Variants in CLCN5 observed in about 807,000 individuals in gnomAD.
CLCN5 encodes H(+)/Cl(-) exchange transporter 5.
CLCN5 carries 17 observed loss-of-function variants against 54.0 expected under a neutral mutation model. The ratio of observed to expected loss-of-function variants is 0.31; its 90% CI spans 0.22 to 0.47. The LOEUF is 0.47. Among genes scored for constraint, CLCN5 ranks in the 20% least tolerant of loss-of-function variants. The pLI is 1.00. For synonymous variants in CLCN5, 222 were observed against 233.0 expected (o/e 0.95, Z 0.43); for missense variants, 448 against 646.7 (o/e 0.69, Z 3.33).
chrX:49,966,163 A>G (rs782355030), intron 3 of CLCN5, among the ~76,000 whole-genome samples: 9 of 111,101 alleles, frequency 8.1e-5, no homozygotes, highest in Non-Finnish European at 1.3e-4. Context: ...TCTTCCTTCA[A>G]TGTTTGGTAG....
At chrX:50,062,648 C>T (rs1162314959) in intron 4 of CLCN5, among the ~76,000 whole-genome samples, 3 of 94,825 alleles carry the variant, frequency 3.2e-5, no homozygotes, top group Non-Finnish European at 5.9e-5. Flanking sequence ...CAGCTCTGCA[C>T]CAAGCGGACC....
At chrX:50,069,732 A>G in intron 4 of CLCN5, 147 bp from the exon 5 acceptor site, 1 of 1,062,241 alleles carries the variant, frequency 9.4e-7, no homozygotes, top group Non-Finnish European at 1.2e-6. Context: ...AATGTAATGG[A>G]TGTTCCTACC....
chrX:49,979,354 A>G (rs781975594), intron 3 of CLCN5, among the ~76,000 whole-genome samples: 23 of 111,898 alleles, frequency 2.1e-4, no homozygotes, highest in Non-Finnish European at 4.1e-4. Context: ...CTTCACAAAT[A>G]CACCAGAGTT....
At chrX:50,039,885 G>C (rs782521365) in intron 3 of CLCN5, among the ~76,000 whole-genome samples, 2 of 110,872 alleles carry the variant, frequency 1.8e-5, no homozygotes, top group African/African-American at 6.6e-5. Flanking sequence ...TAGAGGCGAG[G>C]TTTCACCATG....
intron 3 of CLCN5, among the ~76,000 whole-genome samples, chrX:49,955,179 G>A (rs1385673982): frequency 2.7e-5 from 3 of 111,494 alleles, no homozygotes; most frequent in African/African-American, 9.8e-5. Flanking sequence ...CCAACTAGCT[G>A]CATTTTCTAG....
chrX:50,064,605 A>C (rs1361160126), intron 4 of CLCN5, among the ~76,000 whole-genome samples: 6 of 99,983 alleles, frequency 6.0e-5, no homozygotes, highest in African/African-American at 1.9e-4. Context: ...TTACAGATTC[A>C]ATGCCATCCC....
In CLCN5 at chrX:50,042,362, C is replaced by T; in HGVS notation, c.63C>T (p.Phe21=). The T allele has an allele frequency of 8.5e-7, 1 of 1,177,537 alleles. No homozygotes were observed. The highest frequency in any genetic ancestry group is 1.1e-6 in the Non-Finnish European group (1 of 877,118). The part of the protein sequence containing the change: ...RGFQQGSFSS[F]QNSSSDEDLM... ...TTCAGCAGGGGAGTTTTAGTAGCTTCCAGAACAGCTCCAGTGATGAAGACC... is the reference window on the plus strand; with the variant it reads ...TTCAGCAGGGGAGTTTTAGTAGCTTTCAGAACAGCTCCAGTGATGAAGACC... Residue 21 remains phenylalanine, a synonymous_variant, in exon 4 of 15, where the codon TTC becomes TTT. Coordinates refer to ENST00000376091, the MANE Select transcript of CLCN5 (RefSeq NM_001127898.4).
intron 3 of CLCN5, among the ~76,000 whole-genome samples, chrX:50,017,499 C>T (rs781815841): frequency 8.0e-5 from 9 of 111,874 alleles, no homozygotes; most frequent in African/African-American, 2.6e-4. Context: ...TCCAGTCTAT[C>T]AATTTTTTCT....
intron 4 of CLCN5, among the ~76,000 whole-genome samples, chrX:50,055,407 A>T (rs1557188818): frequency 8.9e-6 from 1 of 111,825 alleles, no homozygotes; most frequent in East Asian, 2.8e-4. Flanking sequence ...ATTGGAATCC[A>T]CATCTTCTCA....
At chrX:50,088,960 C>G in intron 12 of CLCN5, 76 bp downstream of exon 12, 4 of 978,314 alleles carry the variant, frequency 4.1e-6, no homozygotes, top group Non-Finnish European at 5.8e-6. Flanking sequence ...ACACAGTTGA[C>G]TGTAGGAGAA....
At chrX:49,953,011 G>A (rs1166232873) in intron 3 of CLCN5, among the ~76,000 whole-genome samples, 5 of 108,798 alleles carry the variant, frequency 4.6e-5, no homozygotes, top group African/African-American at 1.7e-4. Context: ...TCAGCCTCCC[G>A]AGTAGCTGGG....
intron 7 of CLCN5, among the ~76,000 whole-genome samples, chrX:50,076,557 C>G (rs2147560813): frequency 9.0e-6 from 1 of 111,233 alleles, no homozygotes; most frequent in African/African-American, 3.3e-5. Flanking sequence ...GGGTCTTTCT[C>G]TGTCACCCAG....
At chrX:50,080,767 G>T in intron 8 of CLCN5, 51 bp downstream of exon 8, 1 of 1,046,534 alleles carries the variant, frequency 9.6e-7, no homozygotes, top group Non-Finnish European at 1.3e-6. Flanking sequence ...ATACTTTTTG[G>T]TTAAAATCTC....
At chrX:50,036,046 G>A (rs1557186492) in intron 3 of CLCN5, among the ~76,000 whole-genome samples, 2 of 111,906 alleles carry the variant, frequency 1.8e-5, no homozygotes, top group Non-Finnish European at 3.8e-5. Flanking sequence ...ATTTCTTCCA[G>A]ATGTGCCATT....
In CLCN5 at chrX:49,925,306, T is replaced by C. The variant is rs1310442729; in HGVS notation, c.8T>C (p.Met3Thr). The C allele has an allele frequency of 8.3e-7, 1 of 1,208,389 alleles. No homozygotes were observed. The highest frequency in any genetic ancestry group is 1.1e-6 in the Non-Finnish European group (1 of 893,615). The change falls in exon 3 of 15, where the codon ATG (methionine) becomes ACG (threonine). Residue 3 changes from methionine to threonine, a missense_variant. Physicochemically the swap from Met to Thr is moderately conservative, Grantham distance 81. Coordinates refer to ENST00000376091, the MANE Select transcript of CLCN5 (RefSeq NM_001127898.4). MA[M>T]WQGAMDNRGF... The stretch of plus-strand genomic sequence containing the variant: ...GGTGAAGATAGGATCAAGATGGCCA[T>C]GTGGCAGGGTAAGAAATTAGCACTT...
At chrX:50,007,003 C>G (rs1930180743) in intron 3 of CLCN5, among the ~76,000 whole-genome samples, 1 of 111,253 alleles carries the variant, frequency 9.0e-6, no homozygotes, top group African/African-American at 3.3e-5. Flanking sequence ...GATGGTCAGG[C>G]ATCTAGGGAT....
intron 3 of CLCN5, chrX:50,009,802 G>A: frequency 2.6e-6 from 1 of 386,464 alleles, no homozygotes; most frequent in Non-Finnish European, 5.2e-6. Flanking sequence ...CTGAGAGGGT[G>A]AGCCCCCTCT....
chrX:49,986,176 CTA>C (rs1928986465), intron 3 of CLCN5, among the ~76,000 whole-genome samples: 1 of 111,174 alleles, frequency 9.0e-6, no homozygotes, highest in African/African-American at 3.3e-5. Context: ...GTGGTCTTTC[CTA>C]TGTTATCTTA....
intron 3 of CLCN5, among the ~76,000 whole-genome samples, chrX:49,939,558 T>A (rs1469285251): frequency 1.8e-5 from 2 of 110,662 alleles, no homozygotes; most frequent in African/African-American, 6.6e-5. Flanking sequence ...AAACACTGCA[T>A]GTTCTCACTC....
Sources: allele counts gnomAD v4.1 joint callset (sites outside exome capture counted in the v4.1 genomes callset), GRCh38; gene constraint gnomAD v4.1.1; transcripts MANE v1.5; gene names NCBI Gene and HGNC (gene_info 2026-07-23, HGNC 2026-07-21).